Variants in WDPCP observed in about 807,000 individuals in gnomAD.
WDPCP encodes the protein WD repeat containing planar cell polarity effector.
In WDPCP, 71 loss-of-function variants were observed where a neutral mutation model predicts 93.1. The ratio of observed to expected loss-of-function variants is 0.76; its 90% confidence interval spans 0.63 to 0.93. WDPCP has a LOEUF of 0.93. Ranked by LOEUF, WDPCP falls within the 40% of genes least tolerant of loss-of-function variation. WDPCP has a pLI of 0.00. For synonymous variants in WDPCP, 315 were observed against 315.0 expected (o/e 1.00, Z 0.00); for missense variants, 844 against 887.4 (o/e 0.95, Z 0.62).
chr2:63,296,805 AT>A (rs1684900181), intron 13 of WDPCP, among the ~76,000 whole-genome samples: 1 of 151,690 alleles, frequency 6.6e-6, no homozygotes, highest in African/African-American at 2.4e-5. Flanking sequence ...TACAAAAAAA[AT>A]GGGAAAACAT....
chr2:63,578,297 G>A (rs1202971667), intron 1 of WDPCP, among the ~76,000 whole-genome samples: 2 of 152,090 alleles, frequency 1.3e-5, no homozygotes, highest in South Asian at 2.1e-4. Flanking sequence ...TTAGTATCCC[G>A]AAAATAACTC....
rs62177964 is a variant in WDPCP at position 63,707,555 on chromosome 2, C to T, written n.309-56717G>A. 8.0e-3 allele frequency among the ~76,000 whole-genome samples: 1,223 copies of T among 152,288 alleles called. 12 individuals carry two copies. Among genetic ancestry groups the T allele is most frequent in the South Asian group, 0.028 (135 of 4,824 alleles). ...AATTTTTTTCCAAAGTTTTTAACTT[C>T]TTTGCCATTGGTTCGAACTTCCTCC... On this transcript the variant is annotated intron_variant and non_coding_transcript_variant, in intron 2 of 4. Transcript: ENST00000467687.
chr2:63,425,608 A>G (rs1196418888), intron 9 of WDPCP, among the ~76,000 whole-genome samples: 1 of 152,222 alleles, frequency 6.6e-6, no homozygotes, highest in Non-Finnish European at 1.5e-5. Context: ...AACATAATAG[A>G]CTAAACTAGG....
At chr2:63,269,218 G>A (rs951513347) in intron 13 of WDPCP, among the ~76,000 whole-genome samples, 4 of 152,056 alleles carry the variant, frequency 2.6e-5, no homozygotes, top group Admixed American at 2.0e-4. Context: ...TACTAACTTG[G>A]AATCAAGTTT....
chr2:63,191,758 T>TA (rs1462040522), intron 14 of WDPCP, among the ~76,000 whole-genome samples: 1 of 152,242 alleles, frequency 6.6e-6, no homozygotes, highest in Non-Finnish European at 1.5e-5. Flanking sequence ...CTGTTTTTTT[T>TA]ATGGCCCACA....
chr2:63,173,184 C>T (rs1051665516), intron 15 of WDPCP, among the ~76,000 whole-genome samples: 2 of 151,008 alleles, frequency 1.3e-5, no homozygotes, highest in African/African-American at 4.9e-5. Context: ...AGGAGAGTCG[C>T]GTGAACCCAG....
intron 3 of WDPCP, among the ~76,000 whole-genome samples, chr2:63,603,937 G>A (rs538828469): frequency 1.3e-5 from 2 of 152,314 alleles, no homozygotes; most frequent in South Asian, 2.1e-4. Flanking sequence ...GATTACAGGC[G>A]TAAGCCACCA....
the WDPCP span, among the ~76,000 whole-genome samples, chr2:63,838,536 AC>A: frequency 2.0e-5 from 3 of 152,130 alleles, no homozygotes; most frequent in Non-Finnish European, 4.4e-5. Context: ...AACCCTGTAC[AC>A]ACTCTTATCA....
intron 14 of WDPCP, among the ~76,000 whole-genome samples, chr2:63,197,917 CT>C (rs1029175215): frequency 6.6e-6 from 1 of 152,162 alleles, no homozygotes; most frequent in Non-Finnish European, 1.5e-5. Context: ...TGCAAAGTCC[CT>C]TTTGCCATGT....
chr2:63,599,394 T>G (rs7606045), intron 3 of WDPCP: 930,411 of 1,279,690 alleles, frequency 0.73, 339,837 homozygotes, highest in East Asian at 0.98. Context: ...TTTCTTGTTT[T>G]TGTTTAGTAG....
intron 2 of WDPCP, among the ~76,000 whole-genome samples, chr2:63,767,645 A>T (rs944337890): frequency 1.3e-5 from 2 of 152,086 alleles, no homozygotes; most frequent in African/African-American, 2.4e-5. Context: ...CTTCTTTGAC[A>T]AAAAGTCTGT....
intron 2 of WDPCP, among the ~76,000 whole-genome samples, chr2:63,681,250 G>T (rs760752351): frequency 3.9e-5 from 6 of 152,324 alleles, no homozygotes; most frequent in Non-Finnish European, 8.8e-5. Flanking sequence ...AGAGTTCCCA[G>T]TTCCAGGACT....
At chr2:63,575,185 A>T (rs952041786) in intron 1 of WDPCP, among the ~76,000 whole-genome samples, 1 of 151,426 alleles carries the variant, frequency 6.6e-6, no homozygotes, top group African/African-American at 2.4e-5. Flanking sequence ...GATCAATACA[A>T]TGATTATTTC....
chr2:63,676,786 T>TACACAC (rs1211682073), intron 2 of WDPCP, among the ~76,000 whole-genome samples: 1 of 53,174 alleles, frequency 1.9e-5, no homozygotes, highest in Non-Finnish European at 3.0e-5. Flanking sequence ...TGCATAGAAC[T>TACACAC]ACACATACAC....
chr2:63,139,901 G>T (rs543558325), intron 17 of WDPCP, among the ~76,000 whole-genome samples: 1 of 152,298 alleles, frequency 6.6e-6, no homozygotes, highest in African/African-American at 2.4e-5. Context: ...CCAATGTCTA[G>T]AAGGGTTTTT....
intron 2 of WDPCP, among the ~76,000 whole-genome samples, chr2:63,659,747 A>C (rs1450215383): frequency 3.9e-5 from 6 of 152,208 alleles, no homozygotes; most frequent in Non-Finnish European, 1.5e-5. Context: ...GAACTAATAC[A>C]GTAGATACAA....
chr2:63,221,976 G>C (rs559238957), intron 14 of WDPCP, among the ~76,000 whole-genome samples: 1 of 152,078 alleles, frequency 6.6e-6, no homozygotes, highest in African/African-American at 2.4e-5. Flanking sequence ...GTCCCATTCT[G>C]GGTTGGATCC....
At chr2:63,735,452 A>C (rs1669624511) in intron 2 of WDPCP, among the ~76,000 whole-genome samples, 1 of 152,220 alleles carries the variant, frequency 6.6e-6, no homozygotes, top group Non-Finnish European at 1.5e-5. Flanking sequence ...GACAAGGAGC[A>C]ATGCGCCACA....
At chr2:63,240,334 C>A (rs930235590) in intron 14 of WDPCP, among the ~76,000 whole-genome samples, 67 of 152,030 alleles carry the variant, frequency 4.4e-4, no homozygotes, top group African/African-American at 1.4e-3. Flanking sequence ...CGTGCCACCA[C>A]CCCGAGCTAG....
Sources: gnomAD v4.1 joint callset for allele counts (sites outside exome capture counted in the v4.1 genomes callset) on GRCh38, gnomAD v4.1.1 for gene constraint, MANE v1.5 for transcripts, NCBI Gene and HGNC (gene_info 2026-07-23, HGNC 2026-07-21) for gene names.